Variants in RIN2 observed in about 807,000 individuals in gnomAD.
The protein encoded by RIN2 is RAB5 interacting protein 2.
A neutral mutation model predicts 78.0 loss-of-function variants in RIN2; 36 were observed. The ratio of observed to expected loss-of-function variants is 0.46; its 90% CI spans 0.35 to 0.61. RIN2 has a LOEUF of 0.61. RIN2 is among the 20% of genes least tolerant of loss of function. RIN2 has a pLI of 0.00. For missense variants in RIN2, 1,087 were observed against 1,159.7 expected, an observed-to-expected ratio of 0.94 and a Z score of 0.91; for synonymous variants, 466 against 466.8, an observed-to-expected ratio of 1.00 and a Z score of 0.02.
chr20:19,888,090 T>C (rs1327917901), intron 2 of RIN2, among the ~76,000 whole-genome samples: 1 of 151,920 alleles, frequency 6.6e-6, no homozygotes, highest in Non-Finnish European at 1.5e-5. Flanking sequence ...TCTCAGGAGG[T>C]TTCTGGAACA....
At chr20:19,887,950 C>T (rs2038270411) in intron 2 of RIN2, among the ~76,000 whole-genome samples, 1 of 152,184 alleles carries the variant, frequency 6.6e-6, no homozygotes, top group Non-Finnish European at 1.5e-5. Flanking sequence ...GTGTGGCTCC[C>T]ATTCCGTCCC....
At chr20:19,897,568 C>T (rs1159051143) in intron 3 of RIN2, among the ~76,000 whole-genome samples, 3 of 152,178 alleles carry the variant, frequency 2.0e-5, no homozygotes, top group South Asian at 2.1e-4. Flanking sequence ...CCTGATCTGA[C>T]ATTGCTCTGT....
At chr20:19,791,261 G>A (rs2034881759) in intron 1 of RIN2, among the ~76,000 whole-genome samples, 1 of 125,780 alleles carries the variant, frequency 8.0e-6, no homozygotes, top group African/African-American at 4.4e-5. Context: ...TAAAACTACT[G>A]GTCATTTCTA....
chr20:19,863,349 C>T (rs1319080387), intron 2 of RIN2, among the ~76,000 whole-genome samples: 2 of 152,074 alleles, frequency 1.3e-5, no homozygotes, highest in Non-Finnish European at 2.9e-5. Context: ...ACCCTTCTGC[C>T]CTGGGCCTTA....
intron 9 of RIN2, among the ~76,000 whole-genome samples, chr20:19,984,532 T>G (rs1346561027): frequency 6.6e-6 from 1 of 152,162 alleles, no homozygotes; most frequent in Non-Finnish European, 1.5e-5. Flanking sequence ...TTTGCGAGGC[T>G]GAGGTGGGTG....
chr20:19,918,603 A>G (rs2039781721), intron 3 of RIN2, among the ~76,000 whole-genome samples: 1 of 152,186 alleles, frequency 6.6e-6, no homozygotes, highest in African/African-American at 2.4e-5. Flanking sequence ...ACCTTCAAAC[A>G]ACTCAACTTC....
chr20:19,943,889 C>T (rs964037980), intron 4 of RIN2, among the ~76,000 whole-genome samples: 8 of 151,730 alleles, frequency 5.3e-5, no homozygotes, highest in South Asian at 2.1e-4. Context: ...AGGGTCCTGC[C>T]GTGTCCAGAA....
rs957890429 is a variant in RIN2 at position 19,820,759 on chromosome 20, T to C, written c.-37+21012T>C. 2.0e-5 allele frequency among the ~76,000 whole-genome samples: 3 copies of C among 152,118 alleles called. 1 individual carries two copies. Among genetic ancestry groups the C allele is most frequent in the South Asian group, 4.1e-4 (2 of 4,824 alleles). On this transcript the variant is annotated intron_variant, in intron 2 of 12. Coordinates refer to ENST00000255006, the MANE Select transcript of RIN2 (RefSeq NM_018993.4). ...GGAGCTGGTGAAAACTCCCTCAGGGTTTCTGATGCGATAGGTCTGGACTGG... is the reference window on the plus strand; with the variant it reads ...GGAGCTGGTGAAAACTCCCTCAGGGCTTCTGATGCGATAGGTCTGGACTGG...
At chr20:19,964,260 A>T (rs1421630057) in intron 6 of RIN2, among the ~76,000 whole-genome samples, 6 of 151,280 alleles carry the variant, frequency 4.0e-5, no homozygotes, top group African/African-American at 1.5e-4. Context: ...TCTTTGTTTT[A>T]AAAAAAAGTG....
intron 6 of RIN2, among the ~76,000 whole-genome samples, chr20:19,963,271 G>A (rs374258088): frequency 4.6e-5 from 7 of 152,128 alleles, no homozygotes; most frequent in South Asian, 2.1e-4. Flanking sequence ...TATGTGTAGC[G>A]GTATGGATGT....
At chr20:19,892,209 CATTA>C (rs371052836) in intron 3 of RIN2, among the ~76,000 whole-genome samples, 2 of 152,134 alleles carry the variant, frequency 1.3e-5, no homozygotes, top group East Asian at 1.9e-4. Flanking sequence ...TTGTTTAATT[CATTA>C]ATTAATTAAT....
intron 2 of RIN2, among the ~76,000 whole-genome samples, chr20:19,851,413 T>G (rs2036978367): frequency 6.6e-6 from 1 of 152,014 alleles, no homozygotes; most frequent in Non-Finnish European, 1.5e-5. Flanking sequence ...CCAACCCAGG[T>G]GCCAGGGACA....
chr20:19,997,251 C>T (rs2042997841), intron 12 of RIN2, among the ~76,000 whole-genome samples: 1 of 152,184 alleles, frequency 6.6e-6, no homozygotes, highest in Non-Finnish European at 1.5e-5. Context: ...TTTTCTCTCG[C>T]CCACTCTCCA....
intron 2 of RIN2, among the ~76,000 whole-genome samples, chr20:19,846,191 G>A (rs6081767): frequency 6.6e-6 from 1 of 152,154 alleles, no homozygotes; most frequent in East Asian, 1.9e-4. Flanking sequence ...TTTTTGCTTA[G>A]GATTGTCTTG....
intron 9 of RIN2, among the ~76,000 whole-genome samples, chr20:19,984,898 G>A (rs6035502): frequency 0.39 from 58,792 of 152,060 alleles, 13,589 homozygotes; most frequent in East Asian, 0.72. Context: ...TCCCTGGAGA[G>A]TATTGATTTT....
At chr20:19,978,176 T>C (rs2042341606) in intron 9 of RIN2, among the ~76,000 whole-genome samples, 1 of 152,170 alleles carries the variant, frequency 6.6e-6, no homozygotes, top group South Asian at 2.1e-4. Context: ...AAAAATCTAG[T>C]TCTATCCTCA....
At chr20:19,977,541 C>T (rs755494997) in intron 9 of RIN2, among the ~76,000 whole-genome samples, 5 of 152,184 alleles carry the variant, frequency 3.3e-5, no homozygotes, top group Non-Finnish European at 7.3e-5. Flanking sequence ...CCCCTGTGAA[C>T]AGGCATCGTC....
chr20:19,945,976 C>T (rs546102605), intron 4 of RIN2, among the ~76,000 whole-genome samples: 3 of 152,288 alleles, frequency 2.0e-5, no homozygotes, highest in East Asian at 1.9e-4. Flanking sequence ...AGCTGAGCAG[C>T]GGATTCTATT....
intron 2 of RIN2, among the ~76,000 whole-genome samples, chr20:19,882,946 ATCAGTAAGGCT>A (rs1030325203): frequency 6.6e-6 from 1 of 152,206 alleles, no homozygotes; most frequent in African/African-American, 2.4e-5. Context: ...TGCTTATGTT[ATCAGTAAGGCT>A]TCTGATCAAT....
Sources: gnomAD v4.1 joint callset for allele counts (sites outside exome capture counted in the v4.1 genomes callset) on GRCh38, gnomAD v4.1.1 for gene constraint, MANE v1.5 for transcripts, NCBI Gene and HGNC (gene_info 2026-07-23, HGNC 2026-07-21) for gene names.